Variants in KAT6B observed in about 807,000 individuals in gnomAD.
KAT6B encodes histone acetyltransferase KAT6B.
A neutral mutation model predicts 187.5 loss-of-function variants in KAT6B; 10 were observed. The ratio of observed to expected loss-of-function variants is 0.05; its 90% confidence interval spans 0.03 to 0.09. The LOEUF (loss-of-function observed/expected upper bound fraction) is 0.09, where lower values mean the gene tolerates loss of function less well. KAT6B is among the 10% of genes least tolerant of loss of function. The pLI is 1.00. For synonymous variants in KAT6B, 861 were observed against 926.8 expected, an observed-to-expected ratio of 0.93 and a Z score of 1.29; for missense variants, 1,952 against 2,558.9, an observed-to-expected ratio of 0.76 and a Z score of 5.12.
chr10:74,959,062 A>G (rs1246314015), intron 3 of KAT6B, among the ~76,000 whole-genome samples: 1 of 151,552 alleles, frequency 6.6e-6, no homozygotes, highest in Non-Finnish European at 1.5e-5. Flanking sequence ...ATAAATAAAT[A>G]AATAAATAAG....
chr10:74,895,680 C>T (rs1354389590), intron 3 of KAT6B, among the ~76,000 whole-genome samples: 2 of 152,102 alleles, frequency 1.3e-5, no homozygotes, highest in African/African-American at 4.8e-5. Flanking sequence ...GCTGGGACTA[C>T]AGGTGTGAGC....
intron 3 of KAT6B, among the ~76,000 whole-genome samples, chr10:74,948,355 A>G (rs1395066796): frequency 6.6e-6 from 1 of 152,242 alleles, no homozygotes; most frequent in Non-Finnish European, 1.5e-5. Context: ...TAACATCTCA[A>G]CTGCCATGTA....
At chr10:74,853,620 CTTTT>C (rs542210569) in intron 3 of KAT6B, among the ~76,000 whole-genome samples, 1 of 122,596 alleles carries the variant, frequency 8.2e-6, no homozygotes, top group East Asian at 2.4e-4. Context: ...TAAGAAATGC[CTTTT>C]TTTTTTTTTT....
At chr10:74,981,319 C>T (rs1317587539) in intron 10 of KAT6B, among the ~76,000 whole-genome samples, 1 of 147,442 alleles carries the variant, frequency 6.8e-6, no homozygotes, top group Non-Finnish European at 1.5e-5. Context: ...TCCTTCCTTC[C>T]TTCCTTCCTT....
At chr10:74,932,804 A>G (rs1938994254) in intron 3 of KAT6B, among the ~76,000 whole-genome samples, 1 of 152,154 alleles carries the variant, frequency 6.6e-6, no homozygotes, top group Non-Finnish European at 1.5e-5. Flanking sequence ...TTTTTGGGAT[A>G]GCTGTCCATC....
At chr10:74,962,972 C>T (rs116726646) in intron 4 of KAT6B, among the ~76,000 whole-genome samples, 5,448 of 152,068 alleles carry the variant, frequency 0.036, 329 homozygotes, top group African/African-American at 0.12. Flanking sequence ...AGTTCTCTTC[C>T]GCCACTTGCT....
chr10:74,958,656 G>A (rs902054563), intron 3 of KAT6B, among the ~76,000 whole-genome samples: 1 of 152,184 alleles, frequency 6.6e-6, no homozygotes, highest in Non-Finnish European at 1.5e-5. Flanking sequence ...TAAAATGTAT[G>A]TAGATTTATA....
At chr10:75,005,857 A>G (rs1844169603) in intron 13 of KAT6B, among the ~76,000 whole-genome samples, 1 of 152,202 alleles carries the variant, frequency 6.6e-6, no homozygotes, top group Non-Finnish European at 1.5e-5. Flanking sequence ...AAATTGTTTT[A>G]AATTAATGTT....
intron 3 of KAT6B, among the ~76,000 whole-genome samples, chr10:74,955,811 T>C (rs1169202223): frequency 3.9e-5 from 6 of 152,216 alleles, no homozygotes; most frequent in Admixed American, 6.5e-5. Context: ...ATCCCAATAA[T>C]ATCCTTCATA....
rs758752251 is a variant in KAT6B, at chr10:75,021,982, G to C, written c.3123G>C (p.Ser1041=). The C allele has an allele frequency of 6.2e-7, 1 of 1,614,108 alleles. No individual in the cohort carries two copies. The highest frequency in any genetic ancestry group is 1.3e-5 in the African/African-American group (1 of 75,024). The change falls in exon 16 of 18, where the codon TCG becomes TCC. Residue 1041 remains serine, a synonymous_variant. Coordinates refer to ENST00000287239, the MANE Select transcript of KAT6B (RefSeq NM_012330.4). ...NSRQSPAKVQ[S]KNKYLHSPES... ...GGCAATCACCTGCAAAAGTACAATCGAAAAATAAATATTTGCATTCCCCGG... is the reference window on the plus strand; with the variant it reads ...GGCAATCACCTGCAAAAGTACAATCCAAAAATAAATATTTGCATTCCCCGG...
chr10:75,005,561 T>TTTGGTTGG (rs1009260129), intron 13 of KAT6B, among the ~76,000 whole-genome samples: 2 of 152,142 alleles, frequency 1.3e-5, no homozygotes, highest in African/African-American at 4.8e-5. Flanking sequence ...AAGGTAGTTT[T>TTTGGTTGG]TTGGTTGGTT....
At chr10:74,920,765 T>C (rs1476482511) in intron 3 of KAT6B, among the ~76,000 whole-genome samples, 1 of 152,162 alleles carries the variant, frequency 6.6e-6, no homozygotes, top group African/African-American at 2.4e-5. Context: ...TTTTCGTTCG[T>C]AAGACTGCTT....
chr10:74,989,970 G>T (rs1843024268), intron 13 of KAT6B, among the ~76,000 whole-genome samples: 1 of 152,134 alleles, frequency 6.6e-6, no homozygotes, highest in East Asian at 1.9e-4. Context: ...GCCAAGGCAG[G>T]TGGGTCACAA....
intron 3 of KAT6B, among the ~76,000 whole-genome samples, chr10:74,914,545 G>C (rs577261283): frequency 3.2e-4 from 48 of 152,214 alleles, no homozygotes; most frequent in Non-Finnish European, 5.0e-4. Flanking sequence ...GAAACTTTTA[G>C]GATCTTGTGA....
intron 17 of KAT6B, chr10:75,025,460 G>C (rs114973087): frequency 2.6e-5 from 14 of 544,514 alleles, no homozygotes; most frequent in Non-Finnish European, 2.9e-5. Flanking sequence ...TCTAAGGCCA[G>C]AACATTCCTC....
chr10:74,950,240 A>G (rs1171187922), intron 3 of KAT6B, among the ~76,000 whole-genome samples: 2 of 152,214 alleles, frequency 1.3e-5, no homozygotes, highest in Non-Finnish European at 2.9e-5. Context: ...AAGAATAGCC[A>G]TGGAATAAAA....
At position 74,842,891 on chromosome 10, in the gene KAT6B, T is replaced by G; in HGVS notation, c.34T>G (p.Trp12Gly). 1 of 1,614,106 alleles carries G rather than the reference T, an allele frequency of 6.2e-7. No homozygotes were observed. The highest frequency in any genetic ancestry group is 8.5e-7 in the Non-Finnish European group (1 of 1,180,018). Residue 12 changes from tryptophan (W) to glycine (G), a missense_variant, in exon 3 of 18, where the codon TGG becomes GGG. By Grantham distance (184) the Trp-to-Gly change is radical. Around this residue, in one of 9 missense-constraint regions of KAT6B, gnomAD observed 218 missense variants for 282.6 expected, o/e 0.77. Coordinates refer to ENST00000287239, the MANE Select transcript of KAT6B (RefSeq NM_012330.4). ...ACTTGCAAACCCACTTTATACAGAG[T>G]GGATTCTTGAAGCTATACAGAAAAT... ...VKLANPLYTE[W>G]ILEAIQKIKK...
At chr10:74,940,038 G>A (rs935878452) in intron 3 of KAT6B, among the ~76,000 whole-genome samples, 3 of 151,780 alleles carry the variant, frequency 2.0e-5, no homozygotes, top group African/African-American at 7.3e-5. Context: ...TGTGTGTGTC[G>A]GGGCTATTAA....
chr10:74,854,843 A>G (rs1025309820), intron 3 of KAT6B, among the ~76,000 whole-genome samples: 51 of 152,234 alleles, frequency 3.4e-4, no homozygotes, highest in Non-Finnish European at 5.6e-4. Context: ...CACAGAAACC[A>G]TGCTGGGCCT....
Sources: gnomAD v4.1 joint callset for allele counts (sites outside exome capture counted in the v4.1 genomes callset) on GRCh38, gnomAD v4.1.1 for gene constraint, gnomAD v4.1.1 regional missense constraint, MANE v1.5 for transcripts, NCBI Gene and HGNC (gene_info 2026-07-23, HGNC 2026-07-21) for gene names.